Variants in PCBP3 observed in about 807,000 individuals in gnomAD.
PCBP3 encodes the protein poly(rC)-binding protein 3.
PCBP3 carries 25 observed loss-of-function variants against 52.7 expected under a neutral mutation model. The observed-to-expected ratio is 0.47, with a 90% CI of 0.35 to 0.66. The LOEUF (loss-of-function observed/expected upper bound fraction) is 0.66, where lower values mean the gene tolerates loss of function less well. Ranked by LOEUF, PCBP3 falls within the 30% of genes least tolerant of loss-of-function variation. PCBP3 has a pLI of 0.01. For missense variants in PCBP3, 391 were observed against 490.3 expected, an observed-to-expected ratio of 0.80 and a Z score of 1.91; for synonymous variants, 162 against 183.0, an observed-to-expected ratio of 0.89 and a Z score of 0.93.
chr21:45,834,448 C>G (rs1046306127), intron 4 of PCBP3, among the ~76,000 whole-genome samples: 2 of 152,218 alleles, frequency 1.3e-5, no homozygotes, highest in African/African-American at 4.8e-5. Flanking sequence ...GGGTGGCGTC[C>G]CCATGCAGCT....
rs190703514 is a variant in PCBP3 at position 45,692,237 on chromosome 21, A to C, written c.-200+23285A>C. Among the ~76,000 whole-genome samples the C allele has an allele frequency of 1.6e-4, 24 of 152,316 alleles. No individual in the cohort carries two copies. The East Asian group carries it at 4.2e-3, about 27-fold the overall frequency. ...AGAGACCTTAGGTTGTAACTCAAAA[A>C]ACTAGAAGAAGAACAGCAAAATAAT... On this transcript the variant is annotated intron_variant, in intron 2 of 17. Transcript: ENST00000681687.
rs2075966600 is a variant in PCBP3, at chr21:45,930,004, C to T, written c.796+9C>T. 1 of 1,604,996 alleles carries T rather than the reference C, an allele frequency of 6.2e-7. No individual in the cohort carries two copies. ...CAACCCCGCTTTCCCCGGTACGTAC[C>T]CAGCCCTTTTCTCACCTCCTTCTCT... On this transcript the variant is annotated intron_variant, in intron 14 of 17. Coordinates refer to ENST00000681687, the MANE Select transcript of PCBP3 (RefSeq NM_001384156.1).
At chr21:45,749,531 A>T (rs1245483488) in intron 3 of PCBP3, 2 of 152,304 alleles carry the variant, frequency 1.3e-5, no homozygotes, top group East Asian at 1.9e-4. Context: ...GGAGGGGTGG[A>T]GATGGCTGTG....
intron 1 of PCBP3, among the ~76,000 whole-genome samples, chr21:45,655,432 G>GT (rs988731626): frequency 6.6e-6 from 1 of 152,012 alleles, no homozygotes; most frequent in African/African-American, 2.4e-5. Flanking sequence ...TCAAACACTT[G>GT]TTATTTTCCA....
intron 1 of PCBP3, among the ~76,000 whole-genome samples, chr21:45,662,224 C>T (rs1338511134): frequency 6.7e-6 from 1 of 150,206 alleles, no homozygotes; most frequent in Non-Finnish European, 1.5e-5. Context: ...CCTCCTGTCT[C>T]AGCCTCTCAA....
At chr21:45,652,226 C>A (rs897252304) in intron 1 of PCBP3, among the ~76,000 whole-genome samples, 4 of 152,036 alleles carry the variant, frequency 2.6e-5, no homozygotes, top group African/African-American at 9.7e-5. Flanking sequence ...TAGTTGATCT[C>A]AAAAAGATGA....
intron 5 of PCBP3, among the ~76,000 whole-genome samples, chr21:45,878,789 T>C (rs1379232492): frequency 6.6e-6 from 1 of 152,176 alleles, no homozygotes; most frequent in East Asian, 1.9e-4. Flanking sequence ...ACGTCCGTAC[T>C]CAGCATAGGA....
In PCBP3 at chr21:45,790,442, C is replaced by T. The variant is rs556091120; in HGVS notation, c.-126+34990C>T. Among the ~76,000 whole-genome samples the T allele has an allele frequency of 3.9e-5, 6 of 152,276 alleles. No individual in the cohort carries two copies. The South Asian group carries it at 1.2e-3, about 32-fold the overall frequency. ...CCATTCAGGCAGAGCAGTGAGCACA[C>T]AGTTGGATAGAGAGACCCAGGAGAG... is the stretch of plus-strand genomic sequence containing the variant. On this transcript the variant is annotated intron_variant, in intron 4 of 17. Coordinates refer to ENST00000681687, the MANE Select transcript of PCBP3 (RefSeq NM_001384156.1).
rs572257587 is a variant in PCBP3 at position 45,730,997 on chromosome 21, G to C, written c.-199-4395G>C. Among the ~76,000 whole-genome samples the C allele has an allele frequency of 6.6e-5, 10 of 152,110 alleles. No individual in the cohort carries two copies. In the South Asian group the frequency reaches 1.0e-3, roughly 16 times the overall value. On this transcript the variant is annotated intron_variant, in intron 2 of 17. Transcript: ENST00000681687. ...AAGTCTTAAAAGGTACATTTTAATTGGGATGTTGAGACCATTCATATTTAA... is the reference window on the plus strand; with the variant it reads ...AAGTCTTAAAAGGTACATTTTAATTCGGATGTTGAGACCATTCATATTTAA...
chr21:45,646,155 AG>A (rs2079300787), intron 1 of PCBP3, among the ~76,000 whole-genome samples: 1 of 104,816 alleles, frequency 9.5e-6, no homozygotes, highest in Non-Finnish European at 2.0e-5. Flanking sequence ...GTTTTGGGGC[AG>A]GGGGAGCTCA....
intron 4 of PCBP3, among the ~76,000 whole-genome samples, chr21:45,776,685 G>C (rs2090288204): frequency 6.6e-6 from 1 of 151,824 alleles, no homozygotes; most frequent in Non-Finnish European, 1.5e-5. Flanking sequence ...GTAGCTTCTG[G>C]TCACTTTTGG....
At chr21:45,649,024 T>G (rs1469425524) in intron 1 of PCBP3, among the ~76,000 whole-genome samples, 2 of 152,186 alleles carry the variant, frequency 1.3e-5, no homozygotes. Flanking sequence ...TACTACAAGG[T>G]AATTGTTTTA....
intron 16 of PCBP3, 24 bp from the exon 17 acceptor site, chr21:45,940,006 A>G: frequency 6.2e-7 from 1 of 1,607,112 alleles, no homozygotes; most frequent in Non-Finnish European, 8.5e-7. Context: ...GTTCTCTAAG[A>G]AATCCCCCCG....
intron 4 of PCBP3, among the ~76,000 whole-genome samples, chr21:45,758,575 A>G (rs1360350669): frequency 6.6e-6 from 1 of 152,068 alleles, no homozygotes; most frequent in Non-Finnish European, 1.5e-5. Context: ...TTATAAATGT[A>G]ATTGTTTTCT....
rs148518501 is a variant in PCBP3 at position 45,917,675 on chromosome 21, T to C, written c.717+46T>C. ...CCTCTCACCTTTCTCTTCTCATGGT[T>C]GTTTACCTACCTGCATGCTGCTGTT... On this transcript the variant is annotated intron_variant, in intron 13 of 17. Coordinates refer to ENST00000681687, the MANE Select transcript of PCBP3 (RefSeq NM_001384156.1). The surrounding 1 kb of genome is among the most constrained non-coding windows in gnomAD (Gnocchi z 5.3). 70 of 1,440,656 alleles carry C rather than the reference T, an allele frequency of 4.9e-5. No homozygotes were observed. In the East Asian group the frequency reaches 1.5e-3, roughly 31 times the overall value. The allele number at this position is 1,440,656 out of a possible 1,614,324, so 89.2% of individuals were successfully genotyped here.
chr21:45,764,793 A>G (rs930799844), intron 4 of PCBP3, among the ~76,000 whole-genome samples: 2 of 152,244 alleles, frequency 1.3e-5, no homozygotes, highest in Admixed American at 1.3e-4. Context: ...TAGCAAGGGA[A>G]AGAGTGGTGC....
chr21:45,701,447 A>T (rs1402929209), intron 2 of PCBP3, among the ~76,000 whole-genome samples: 1 of 152,222 alleles, frequency 6.6e-6, no homozygotes, highest in Non-Finnish European at 1.5e-5. Context: ...CTATCTATTG[A>T]TAGTTACATT....
At chr21:45,873,281 G>C (rs1392780088) in intron 5 of PCBP3, 1 of 152,162 alleles carries the variant, frequency 6.6e-6, no homozygotes, top group Non-Finnish European at 1.5e-5. Flanking sequence ...CCACTCCTCT[G>C]TGAGCAACCC....
chr21:45,722,689 T>A (rs1303371285), intron 2 of PCBP3, among the ~76,000 whole-genome samples: 1 of 152,136 alleles, frequency 6.6e-6, no homozygotes, highest in Non-Finnish European at 1.5e-5. Flanking sequence ...GTGATCTCAT[T>A]TTTGTTTTAA....
Sources: allele counts gnomAD v4.1 joint callset (sites outside exome capture counted in the v4.1 genomes callset), GRCh38; gene constraint gnomAD v4.1.1; non-coding constraint Gnocchi (gnomAD v3.1); transcripts MANE v1.5; gene names NCBI Gene and HGNC (gene_info 2026-07-23, HGNC 2026-07-21).